The following LRFN5 variants were observed in gnomAD, a reference collection of about 807,000 sequenced individuals.
LRFN5 encodes leucine-rich repeat and fibronectin type-III domain-containing protein 5.
LRFN5 carries 24 observed loss-of-function variants against 45.6 expected under a neutral mutation model. The ratio of observed to expected loss-of-function variants is 0.53; its 90% confidence interval spans 0.38 to 0.74. The LOEUF is 0.74. Among genes scored for constraint, LRFN5 ranks in the 30% least tolerant of loss-of-function variants. LRFN5 has a pLI of 0.00. For missense variants in LRFN5, 776 were observed against 861.5 expected (o/e 0.90, Z 1.24); for synonymous variants, 340 against 313.8 (o/e 1.08, Z -0.88).
chr14:41,656,528 G>T (rs1880389240), intron 1 of LRFN5, among the ~76,000 whole-genome samples: 1 of 151,832 alleles, frequency 6.6e-6, no homozygotes, highest in African/African-American at 2.4e-5. Flanking sequence ...AAATCTTCCA[G>T]TCAGGATGAA....
intron 2 of LRFN5, among the ~76,000 whole-genome samples, chr14:41,855,623 T>C (rs1204510453): frequency 6.6e-6 from 1 of 152,172 alleles, no homozygotes; most frequent in Non-Finnish European, 1.5e-5. Context: ...ATTTCCACTC[T>C]GAAAAATATA....
At position 41,742,088 on chromosome 14, in the gene LRFN5, A is replaced by T. The variant is rs866234566; in HGVS notation, c.-196-24766A>T. Among the ~76,000 whole-genome samples, 21 of 151,722 alleles carry T rather than the reference A, an allele frequency of 1.4e-4. 1 individual carries two copies. Among genetic ancestry groups the T allele is most frequent in the Admixed American group, 6.7e-4 (10 of 14,950 alleles). ...GGGGCCAATGTAAATTAATACAATC[A>T]TTTTGCAAAATAGTATGGAGATTTT... is the stretch of plus-strand genomic sequence containing the variant. On this transcript the variant is annotated intron_variant, in intron 1 of 5. Transcript: ENST00000298119.
intron 2 of LRFN5, among the ~76,000 whole-genome samples, chr14:41,816,156 C>G (rs1419451548): frequency 6.6e-6 from 1 of 151,846 alleles, no homozygotes; most frequent in Non-Finnish European, 1.5e-5. Flanking sequence ...CCTCCCCTCC[C>G]TTCCCTCTAT....
chr14:41,872,975 T>C (rs77382416), intron 2 of LRFN5, among the ~76,000 whole-genome samples: 1,588 of 152,344 alleles, frequency 0.01, 26 homozygotes, highest in African/African-American at 0.037. Flanking sequence ...TAAATTCCAC[T>C]TCTTTATGAG....
At chr14:41,667,168 A>G (rs1228915469) in intron 1 of LRFN5, among the ~76,000 whole-genome samples, 2 of 152,130 alleles carry the variant, frequency 1.3e-5, no homozygotes, top group Admixed American at 1.3e-4. Context: ...AAAGCGATGA[A>G]CTGTTAGTTT....
intron 2 of LRFN5, among the ~76,000 whole-genome samples, chr14:41,797,508 T>C (rs981288566): frequency 1.3e-5 from 2 of 151,732 alleles, no homozygotes; most frequent in South Asian, 2.1e-4. Flanking sequence ...TAATACCTTA[T>C]TGGAAAAGTG....
chr14:41,627,619 T>C (rs1474428349), intron 1 of LRFN5, among the ~76,000 whole-genome samples: 1 of 152,152 alleles, frequency 6.6e-6, no homozygotes, highest in Non-Finnish European at 1.5e-5. Context: ...TCCATAGCTA[T>C]ATTTATGTTT....
At chr14:41,893,969 T>C in intron 4 of LRFN5, 1 of 985,096 alleles carries the variant, frequency 1.0e-6, no homozygotes, top group Non-Finnish European at 1.2e-6. Context: ...TTTTCAGTAC[T>C]ATTAATGTAG....
intron 1 of LRFN5, among the ~76,000 whole-genome samples, chr14:41,669,911 G>C (rs529816440): frequency 1.3e-5 from 2 of 149,626 alleles, no homozygotes; most frequent in Non-Finnish European, 3.0e-5. Flanking sequence ...TGGAAATGTG[G>C]AAAAGCATTC....
intron 1 of LRFN5, among the ~76,000 whole-genome samples, chr14:41,618,036 C>T (rs1266281417): frequency 2.0e-5 from 3 of 152,076 alleles, no homozygotes; most frequent in Non-Finnish European, 2.9e-5. Flanking sequence ...TTACCTCTTC[C>T]GTTTGGCAGA....
intron 2 of LRFN5, among the ~76,000 whole-genome samples, chr14:41,841,574 C>T (rs1380434794): frequency 2.6e-5 from 4 of 151,884 alleles, no homozygotes; most frequent in Admixed American, 6.6e-5. Context: ...ATGTACTGTT[C>T]CATTGCATGA....
chr14:41,731,581 T>G (rs1696601592), intron 1 of LRFN5, among the ~76,000 whole-genome samples: 1 of 152,154 alleles, frequency 6.6e-6, no homozygotes, highest in South Asian at 2.1e-4. Context: ...TAGATCTGTA[T>G]GGAGTTCCAT....
At chr14:41,826,997 C>G (rs1483899447) in intron 2 of LRFN5, among the ~76,000 whole-genome samples, 1 of 149,908 alleles carries the variant, frequency 6.7e-6, no homozygotes, top group Non-Finnish European at 1.5e-5. Flanking sequence ...TCAAAACAAT[C>G]CAACTTTGCA....
At chr14:41,865,711 T>C (rs1326235424) in intron 2 of LRFN5, among the ~76,000 whole-genome samples, 1 of 152,218 alleles carries the variant, frequency 6.6e-6, no homozygotes, top group East Asian at 1.9e-4. Flanking sequence ...TCAATTTCAT[T>C]ACATGTTCAC....
intron 2 of LRFN5, among the ~76,000 whole-genome samples, chr14:41,840,461 A>G (rs1888820444): frequency 6.6e-6 from 1 of 152,072 alleles, no homozygotes; most frequent in Non-Finnish European, 1.5e-5. Flanking sequence ...ATTTAATCAC[A>G]TCTGTTAAAT....
In LRFN5 at chr14:41,846,495, A is replaced by G. The variant is rs186174650; in HGVS notation, c.-20-40111A>G. Among the ~76,000 whole-genome samples the G allele has an allele frequency of 3.9e-5, 6 of 152,290 alleles. No individual in the cohort carries two copies. In the East Asian group the frequency reaches 1.2e-3, roughly 29 times the overall value. ...AGGGAAAGAGGTCACATGCAAAAAA[A>G]TACTGTATGATTCCATATACATACC... On this transcript the variant is annotated intron_variant, in intron 2 of 5. Coordinates refer to ENST00000298119, the MANE Select transcript of LRFN5 (RefSeq NM_152447.5).
chr14:41,857,789 C>A (rs1889522961), intron 2 of LRFN5, among the ~76,000 whole-genome samples: 1 of 152,132 alleles, frequency 6.6e-6, no homozygotes, highest in African/African-American at 2.4e-5. Flanking sequence ...AAGAAGATAG[C>A]AATTTATGCT....
intron 1 of LRFN5, among the ~76,000 whole-genome samples, chr14:41,727,660 A>G (rs1027332444): frequency 3.3e-5 from 5 of 152,078 alleles, no homozygotes; most frequent in Admixed American, 6.6e-5. Flanking sequence ...AAATAAAATA[A>G]ATAGTCAACA....
chr14:41,621,554 T>C (rs1228015787), intron 1 of LRFN5, among the ~76,000 whole-genome samples: 3 of 152,160 alleles, frequency 2.0e-5, no homozygotes, highest in Non-Finnish European at 4.4e-5. Context: ...GGTGGAATTA[T>C]ATGACGGTCC....
Sources: allele counts gnomAD v4.1 joint callset (sites outside exome capture counted in the v4.1 genomes callset), GRCh38; gene constraint gnomAD v4.1.1; transcripts MANE v1.5; gene names NCBI Gene and HGNC (gene_info 2026-07-23, HGNC 2026-07-21).